Variants in NCOA7 observed in about 807,000 individuals in gnomAD.
NCOA7 encodes the protein 140 kDa estrogen receptor-associated protein.
NCOA7 carries 45 observed loss-of-function variants against 104.3 expected under a neutral mutation model. The observed-to-expected ratio is 0.43, with a 90% CI of 0.34 to 0.55. The LOEUF (loss-of-function observed/expected upper bound fraction) is 0.55, where lower values mean the gene tolerates loss of function less well. Ranked by LOEUF, NCOA7 falls within the 20% of genes least tolerant of loss-of-function variation. NCOA7 has a pLI of 0.02. For synonymous variants in NCOA7, 398 were observed against 402.3 expected (o/e 0.99, Z 0.13); for missense variants, 1,041 against 1,119.7 (o/e 0.93, Z 1.00).
chr6:125,905,772 A>G (rs1562167468), intron 10 of NCOA7, among the ~76,000 whole-genome samples: 1 of 151,628 alleles, frequency 6.6e-6, no homozygotes, highest in Non-Finnish European at 1.5e-5. Context: ...TAAAATCCGA[A>G]CCCTTTTTTA....
intron 2 of NCOA7, chr6:125,818,913 AG>A (rs1238254564): frequency 6.6e-6 from 1 of 152,366 alleles, no homozygotes; most frequent in Non-Finnish European, 1.5e-5. Context: ...TGTCAGGCCA[AG>A]GGTGAGGCCA....
intron 13 of NCOA7, among the ~76,000 whole-genome samples, chr6:125,926,592 C>A (rs1305959295): frequency 6.6e-6 from 1 of 151,972 alleles, no homozygotes; most frequent in Non-Finnish European, 1.5e-5. Context: ...TTGTTCTTAG[C>A]AGCTCTAGGG....
intron 10 of NCOA7, among the ~76,000 whole-genome samples, chr6:125,892,132 G>T (rs866695678): frequency 5.9e-5 from 9 of 152,174 alleles, no homozygotes; most frequent in Middle Eastern, 3.4e-3. Context: ...TTACATTGTG[G>T]GTTGTGTAAA....
chr6:125,921,000 G>C lies in NCOA7; in HGVS notation c.2302G>C (p.Glu768Gln). The C allele has an allele frequency of 6.2e-7, 1 of 1,613,878 alleles. No individual in the cohort carries two copies. Among genetic ancestry groups the C allele is most frequent in the Non-Finnish European group, 8.5e-7 (1 of 1,179,836 alleles). The change falls in exon 12 of 16, where the codon GAG becomes CAG. Residue 768 changes from glutamate to glutamine, a missense_variant. Around this residue, in one of 2 missense-constraint regions of NCOA7, gnomAD observed 914 missense variants for 942.7 expected, o/e 0.97. Transcript: ENST00000392477. ...RKSTCSYYED[E>Q]DEEVLPVLRP... ...GAGCACATGCAGCTACTATGAAGAC[G>C]AGGACGAAGAGGTGCTGCCTGTCCT...
At chr6:125,873,601 C>T (rs1289611609) in intron 3 of NCOA7, among the ~76,000 whole-genome samples, 1 of 152,194 alleles carries the variant, frequency 6.6e-6, no homozygotes, top group Non-Finnish European at 1.5e-5. Flanking sequence ...CTGTGATGAA[C>T]ATCCTTCAGC....
chr6:125,897,358 A>G (rs1401079324), intron 10 of NCOA7, among the ~76,000 whole-genome samples: 1 of 152,218 alleles, frequency 6.6e-6, no homozygotes, highest in Non-Finnish European at 1.5e-5. Flanking sequence ...TGAACAAGCA[A>G]TGGGTTAGAA....
chr6:125,825,225 A>G (rs2128585031), intron 2 of NCOA7, among the ~76,000 whole-genome samples: 1 of 151,368 alleles, frequency 6.6e-6, no homozygotes, highest in East Asian at 1.9e-4. Flanking sequence ...CTGTAACCCT[A>G]GCTACTCTGG....
chr6:125,840,858 TGTTTGGTTGG>T (rs376394716), intron 2 of NCOA7, among the ~76,000 whole-genome samples: 1 of 144,794 alleles, frequency 6.9e-6, no homozygotes, highest in African/African-American at 2.5e-5. Flanking sequence ...TGGTTTTTTT[TGTTTGGTTGG>T]TTTTTTTTTT....
chr6:125,882,678 C>A, intron 7 of NCOA7, 127 bp downstream of exon 7: 1 of 1,151,142 alleles, frequency 8.7e-7, no homozygotes, highest in Non-Finnish European at 1.2e-6. Context: ...GTTTGACAAG[C>A]ATCCATTAGT....
At chr6:125,880,572 G>C (rs1783742601) in intron 5 of NCOA7, among the ~76,000 whole-genome samples, 1 of 151,568 alleles carries the variant, frequency 6.6e-6, no homozygotes, top group Non-Finnish European at 1.5e-5. Flanking sequence ...CTGTCACCCA[G>C]GCTGGAGTGC....
intron 2 of NCOA7, among the ~76,000 whole-genome samples, chr6:125,829,670 A>G (rs1160334395): frequency 6.6e-6 from 1 of 152,100 alleles, no homozygotes; most frequent in Non-Finnish European, 1.5e-5. Context: ...CTTTTCCTGC[A>G]TTCAAAATTC....
intron 1 of NCOA7, among the ~76,000 whole-genome samples, chr6:125,811,866 G>A (rs2128566736): frequency 6.6e-6 from 1 of 152,256 alleles, no homozygotes; most frequent in South Asian, 2.1e-4. Context: ...TGCGAATTCT[G>A]TGCTGCAGCA....
chr6:125,864,456 A>T lies in NCOA7; in HGVS notation c.271+9216A>T, dbSNP rs540889096. On this transcript the variant is annotated intron_variant, in intron 3 of 15. Coordinates refer to ENST00000392477, the MANE Select transcript of NCOA7 (RefSeq NM_181782.5). ...AATGGATGACCTTTATTTTTTTTTT[A>T]AATTTATTTGTGTTTTAAAATCACT... Among the ~76,000 whole-genome samples the T allele has an allele frequency of 9.6e-4, 130 of 135,438 alleles. 23 individuals carry two copies. The highest frequency in any genetic ancestry group is 7.5e-3 in the Middle Eastern group (2 of 268). 88.9% of individuals were successfully genotyped at this position (135,438 alleles called of 152,430 possible).
intron 3 of NCOA7, among the ~76,000 whole-genome samples, chr6:125,856,971 G>A (rs1267296747): frequency 2.0e-5 from 3 of 152,190 alleles, no homozygotes; most frequent in Non-Finnish European, 2.9e-5. Flanking sequence ...CATTGCTGAT[G>A]TTGCTACCGT....
At chr6:125,822,719 G>C (rs976887748) in intron 2 of NCOA7, among the ~76,000 whole-genome samples, 1 of 152,154 alleles carries the variant, frequency 6.6e-6, no homozygotes, top group Non-Finnish European at 1.5e-5. Context: ...CAGATCACTT[G>C]AGGTCAGGAG....
At chr6:125,890,854 T>C in intron 10 of NCOA7, 44 bp downstream of exon 10, 1 of 1,428,396 alleles carries the variant, frequency 7.0e-7, no homozygotes, top group African/African-American at 1.5e-5. Context: ...CTGTTAGGTT[T>C]GGATGGCGTT....
intron 1 of NCOA7, among the ~76,000 whole-genome samples, chr6:125,812,001 T>C (rs1180659177): frequency 6.6e-6 from 1 of 152,248 alleles, no homozygotes; most frequent in Admixed American, 6.5e-5. Flanking sequence ...GCACCACAGC[T>C]AGTGCTGTTG....
At chr6:125,833,862 G>A (rs142307037) in intron 2 of NCOA7, among the ~76,000 whole-genome samples, 1 of 152,276 alleles carries the variant, frequency 6.6e-6, no homozygotes, top group East Asian at 1.9e-4. Flanking sequence ...TCTAACTGCA[G>A]AGAAATTATA....
intron 3 of NCOA7, among the ~76,000 whole-genome samples, chr6:125,871,464 A>T (rs900780469): frequency 6.6e-6 from 1 of 152,230 alleles, no homozygotes; most frequent in African/African-American, 2.4e-5. Flanking sequence ...AACTCACTGC[A>T]AAACAATTAT....
Sources: allele counts gnomAD v4.1 joint callset (sites outside exome capture counted in the v4.1 genomes callset), GRCh38; gene constraint gnomAD v4.1.1; regional missense constraint gnomAD v4.1.1; transcripts MANE v1.5; gene names NCBI Gene and HGNC (gene_info 2026-07-23, HGNC 2026-07-21).